SHROOM2: variants seen among roughly 807,000 people sequenced by gnomAD.
The protein encoded by SHROOM2 is shroom family member 2.
A neutral mutation model predicts 75.9 loss-of-function variants in SHROOM2; 33 were observed. The observed-to-expected ratio is 0.43, with a 90% CI of 0.33 to 0.58. The LOEUF (loss-of-function observed/expected upper bound fraction) is 0.58. Ranked by LOEUF, SHROOM2 falls within the 20% of genes least tolerant of loss-of-function variation. The pLI is 0.04. For missense variants in SHROOM2, 1,434 were observed against 1,461.2 expected, an observed-to-expected ratio of 0.98 and a Z score of 0.30; for synonymous variants, 655 against 663.6, an observed-to-expected ratio of 0.99 and a Z score of 0.20.
At chrX:9,791,993 A>C (rs181489343) in intron 1 of SHROOM2, among the ~76,000 whole-genome samples, 1 of 64 alleles carries the variant, frequency 0.016, no homozygotes, top group East Asian at 0.04. Context: ...ATAGAATAGA[A>C]TAGAATAGAA....
At chrX:9,801,175 ACTC>A (rs2083722364) in intron 1 of SHROOM2, among the ~76,000 whole-genome samples, 1 of 110,971 alleles carries the variant, frequency 9.0e-6, no homozygotes, top group South Asian at 3.8e-4. Context: ...GAAAAGGAAA[ACTC>A]CTTATAAAAC....
chrX:9,932,006 G>A lies in SHROOM2; in HGVS notation c.2892-169G>A, dbSNP rs150027698. ...CCTCATGTTGTCTGAGGTGCGTCAC[G>A]ACTCCCCACCTTGCATGAGGAGTTG... On this transcript the variant is annotated intron_variant, in intron 5 of 9. Transcript: ENST00000380913. 1.6e-3 allele frequency among the ~76,000 whole-genome samples: 178 copies of A among 110,423 alleles called. 1 individual carries two copies. The highest frequency in any genetic ancestry group is 4.6e-3 in the Middle Eastern group (1 of 217).
intron 5 of SHROOM2, among the ~76,000 whole-genome samples, chrX:9,900,804 C>T: frequency 9.0e-6 from 1 of 111,136 alleles, no homozygotes; most frequent in East Asian, 2.8e-4. Context: ...AGCACGTTTG[C>T]TTCCCTCCAG....
intron 1 of SHROOM2, among the ~76,000 whole-genome samples, chrX:9,830,849 C>T (rs1258511069): frequency 2.7e-5 from 3 of 110,858 alleles, no homozygotes; most frequent in African/African-American, 9.8e-5. Flanking sequence ...AGGTGATCTG[C>T]CCGTCTCGGC....
At position 9,930,522 on chromosome X, in the gene SHROOM2, AAAG is replaced by A. The variant is rs2084638621; in HGVS notation, c.2892-1650_2892-1648del. On this transcript the variant is annotated intron_variant, in intron 5 of 9. Coordinates refer to ENST00000380913, the MANE Select transcript of SHROOM2 (RefSeq NM_001649.4). Reference sequence around the variant, plus strand: ...ACCCTGTCTCAAAAAAAAAAAAAGAAAAGAAAGAAAGAAAGAAAGAAAGAAATA... The same window carrying A: ...ACCCTGTCTCAAAAAAAAAAAAAGAAAAAGAAAGAAAGAAAGAAAGAAATA... Among the ~76,000 whole-genome samples the A allele has an allele frequency of 4.2e-5, 4 of 96,138 alleles. No homozygotes were observed. In the Admixed American group the frequency reaches 4.2e-4, roughly 10 times the overall value. The allele number at this position is 96,138 out of a possible 115,157, so 83.5% of individuals were successfully genotyped here.
intron 1 of SHROOM2, among the ~76,000 whole-genome samples, chrX:9,793,192 C>G (rs1418617944): frequency 8.9e-6 from 1 of 111,923 alleles, no homozygotes; most frequent in Non-Finnish European, 1.9e-5. Context: ...TTTGGTATTT[C>G]TGTCCATATC....
Position 9,947,806 on chromosome X carries a change from TC to T in SHROOM2, c.*871del, listed in dbSNP as rs2084835414. 1 of 112,379 alleles carries T rather than the reference TC, an allele frequency of 8.9e-6. No homozygotes were observed. Among genetic ancestry groups the T allele is most frequent in the African/African-American group, 3.2e-5 (1 of 30,889 alleles). The allele number at this position is 112,379 out of a possible 1,213,427, so 9.3% of individuals were successfully genotyped here. A position where few individuals can be genotyped will look rare whatever the true frequency, so the allele number is the denominator to read the frequency against. ...CATGTATTTTGTATGCATATGATTG[TC>T]CGTGATAATTGGCTACTTTTCCATT... is the stretch of plus-strand genomic sequence containing the variant. On this transcript the variant is annotated 3_prime_UTR_variant, in exon 10 of 10. Coordinates refer to ENST00000380913, the MANE Select transcript of SHROOM2 (RefSeq NM_001649.4).
chrX:9,888,247 T>TTTCCTCAGTCG (rs1281835285), intron 2 of SHROOM2, among the ~76,000 whole-genome samples: 1 of 112,086 alleles, frequency 8.9e-6, no homozygotes, highest in African/African-American at 3.2e-5. Context: ...TTCCTCAGTC[T>TTTCCTCAGTCG]TTTTCCACGT....
chrX:9,902,715 C>T (rs1215170307), intron 5 of SHROOM2, among the ~76,000 whole-genome samples: 2 of 111,856 alleles, frequency 1.8e-5, no homozygotes, highest in African/African-American at 6.5e-5. Context: ...GTTCGTTGCT[C>T]CTCAATTTCG....
intron 5 of SHROOM2, among the ~76,000 whole-genome samples, chrX:9,914,882 G>C (rs753747324): frequency 1.8e-5 from 2 of 111,746 alleles, no homozygotes; most frequent in African/African-American, 3.3e-5. Context: ...GCTGAATGTA[G>C]AACTGGCCCA....
chrX:9,893,846 C>T (rs1019003872), intron 3 of SHROOM2, among the ~76,000 whole-genome samples: 3 of 107,509 alleles, frequency 2.8e-5, no homozygotes, highest in Admixed American at 1.0e-4. Flanking sequence ...CCCAGCTACT[C>T]GGGAGGCTGA....
intron 5 of SHROOM2, among the ~76,000 whole-genome samples, chrX:9,913,948 C>A (rs750294184): frequency 9.0e-6 from 1 of 111,289 alleles, no homozygotes; most frequent in African/African-American, 3.3e-5. Context: ...TATTTTATTG[C>A]GGAAAAGCAT....
intron 1 of SHROOM2, among the ~76,000 whole-genome samples, chrX:9,872,605 C>T (rs1315957093): frequency 2.7e-5 from 3 of 111,877 alleles, no homozygotes; most frequent in African/African-American, 9.7e-5. Context: ...GAATGGATGG[C>T]ATTCAAGCTG....
rs138522543 is a variant in SHROOM2 at position 9,914,287 on chromosome X, C to T, written c.2891+15997C>T. ...GGGACAAATGACCCTGGTGAATGCACGCTGACTGCTGCTTGTTTTGCATGG... is the reference window on the plus strand; with the variant it reads ...GGGACAAATGACCCTGGTGAATGCATGCTGACTGCTGCTTGTTTTGCATGG... On this transcript the variant is annotated intron_variant, in intron 5 of 9. Coordinates refer to ENST00000380913, the MANE Select transcript of SHROOM2 (RefSeq NM_001649.4). 1.3e-3 allele frequency among the ~76,000 whole-genome samples: 145 copies of T among 109,407 alleles called. No homozygotes were observed. In the East Asian group the frequency reaches 0.041, roughly 31 times the overall value.
chrX:9,824,657 G>A (rs2083878935), intron 1 of SHROOM2, among the ~76,000 whole-genome samples: 1 of 111,553 alleles, frequency 9.0e-6, no homozygotes, highest in African/African-American at 3.3e-5. Context: ...TGGGAAGAAT[G>A]AGGGTGGAAA....
At chrX:9,875,446 C>T (rs890057775) in intron 2 of SHROOM2, among the ~76,000 whole-genome samples, 10 of 111,529 alleles carry the variant, frequency 9.0e-5, no homozygotes, top group African/African-American at 6.5e-5. Flanking sequence ...GTCATCATCC[C>T]GCTGCCAAGG....
chrX:9,939,391 A>G (rs757472875), intron 8 of SHROOM2, 25 bp downstream of exon 8: 2 of 1,168,772 alleles, frequency 1.7e-6, no homozygotes, highest in Non-Finnish European at 2.3e-6. Context: ...TCCAAATGAC[A>G]GCGTGTGCGT....
intron 5 of SHROOM2, among the ~76,000 whole-genome samples, chrX:9,931,824 G>A (rs1465563466): frequency 9.0e-6 from 1 of 111,473 alleles, no homozygotes. Flanking sequence ...AGCTGTATGT[G>A]AGCATTTCCA....
intron 1 of SHROOM2, among the ~76,000 whole-genome samples, chrX:9,837,478 T>C (rs1192725180): frequency 1.8e-5 from 2 of 112,423 alleles, no homozygotes; most frequent in Non-Finnish European, 3.8e-5. Flanking sequence ...GTGGTTCTCC[T>C]GATGATGAAA....
Sources: gnomAD v4.1 joint callset for allele counts (sites outside exome capture counted in the v4.1 genomes callset) on GRCh38, gnomAD v4.1.1 for gene constraint, MANE v1.5 for transcripts, NCBI Gene and HGNC (gene_info 2026-07-23, HGNC 2026-07-21) for gene names.